The following ATP5PB variants were observed in gnomAD, a reference collection of about 807,000 sequenced individuals.
The protein encoded by ATP5PB is ATP synthase peripheral stalk subunit b, mitochondrial.
A neutral mutation model predicts 34.5 loss-of-function variants in ATP5PB; 21 were observed. That is an observed-to-expected ratio of 0.61 (90% confidence interval 0.43 to 0.88). The LOEUF (loss-of-function observed/expected upper bound fraction) is 0.88. ATP5PB is among the 40% of genes least tolerant of loss of function. The probability of loss-of-function intolerance (pLI) is 0.00; values close to 1 mark genes in which losing one functional copy is unlikely to be tolerated. For synonymous variants in ATP5PB, 108 were observed against 114.1 expected, an observed-to-expected ratio of 0.95 and a Z score of 0.34; for missense variants, 293 against 317.4, an observed-to-expected ratio of 0.92 and a Z score of 0.58.
At position 111,459,503 on chromosome 1, in the gene ATP5PB, A is replaced by G. The variant is rs1447057081; in HGVS notation, c.560A>G (p.Tyr187Cys). 3 of 1,613,742 alleles carry G rather than the reference A, an allele frequency of 1.9e-6. No homozygotes were observed. Among genetic ancestry groups the G allele is most frequent in the East Asian group, 2.2e-5 (1 of 44,894 alleles). Reference protein sequence around the residue: ...ALEVTYRERLYRVYKEVKNRL... With the variant: ...ALEVTYRERLCRVYKEVKNRL... ...GAAGTTACTTACCGGGAACGACTGTATAGAGTATATAAGGAAGTAAAGAAT... is the reference window on the plus strand; with the variant it reads ...GAAGTTACTTACCGGGAACGACTGTGTAGAGTATATAAGGAAGTAAAGAAT... Residue 187 changes from tyrosine to cysteine, a missense_variant, in exon 6 of 7, where the codon TAT becomes TGT. Physicochemically the swap from Tyr to Cys is radical, Grantham distance 194. Transcript: ENST00000369722.
At position 111,462,689 on chromosome 1, in the gene ATP5PB, A is replaced by G. The variant is rs1240819291; in HGVS notation, c.*1695A>G. ...GCTAATGTACTAATCTAATATTGAA[A>G]TCAGATTGATATCTTTGTTACTTAA... On this transcript the variant is annotated 3_prime_UTR_variant, in exon 7 of 7. Coordinates refer to ENST00000369722, the MANE Select transcript of ATP5PB (RefSeq NM_001688.5). 6.6e-6 allele frequency: 1 copy of G among 152,252 alleles called. No homozygotes were observed. Among genetic ancestry groups the G allele is most frequent in the African/African-American group, 2.4e-5 (1 of 41,452 alleles). The allele number at this position is 152,252 out of a possible 1,614,324, so 9.4% of individuals were successfully genotyped here.
rs759686657 is a variant in ATP5PB, at chr1:111,456,656, G to A, written c.414G>A (p.Ala138=). The A allele has an allele frequency of 5.1e-5, 83 of 1,613,322 alleles. No homozygotes were observed. The highest frequency in any genetic ancestry group is 4.2e-5 in the Non-Finnish European group (50 of 1,179,790). Residue 138 remains alanine, a synonymous_variant, in exon 5 of 7, where the codon GCG becomes GCA. Transcript: ENST00000369722. The part of the protein sequence containing the change: ...NEQKLAQLEE[A]KQASIQHIQN... The stretch of plus-strand genomic sequence containing the variant: ...AAAAACTTGCCCAACTAGAAGAGGC[G>A]AAGCAGGCTTCCATCCAACACATCC...
At chr1:111,451,406 G>A (rs1343347) in intron 2 of ATP5PB, among the ~76,000 whole-genome samples, 1 of 151,858 alleles carries the variant, frequency 6.6e-6, no homozygotes, top group Non-Finnish European at 1.5e-5. Flanking sequence ...CTCCCTATCC[G>A]CTTACCTTGC....
intron 2 of ATP5PB, among the ~76,000 whole-genome samples, chr1:111,450,468 G>A (rs1269926322): frequency 1.3e-5 from 2 of 152,156 alleles, no homozygotes; most frequent in Admixed American, 6.5e-5. Context: ...CCAGTACAGG[G>A]TCCCTGGCCC....
In ATP5PB at chr1:111,461,824, G is replaced by A. The variant is rs11587579; in HGVS notation, c.*830G>A. On this transcript the variant is annotated 3_prime_UTR_variant, in exon 7 of 7. Transcript: ENST00000369722. ...GCTGAGGCAGGAGAATTGCTTGAACGCAGGAGGCAAAGGTTGCAGTGAGCT... is the reference window on the plus strand; with the variant it reads ...GCTGAGGCAGGAGAATTGCTTGAACACAGGAGGCAAAGGTTGCAGTGAGCT... 0.012 allele frequency: 1,780 copies of A among 151,236 alleles called. 16 individuals carry two copies. Among genetic ancestry groups the A allele is most frequent in the Admixed American group, 0.018 (274 of 15,164 alleles). 9.4% of individuals were successfully genotyped at this position (151,236 alleles called of 1,614,324 possible).
Position 111,456,250 on chromosome 1 carries a change from G to T in ATP5PB, c.387+1G>T, listed in dbSNP as rs746652229. On this transcript the variant is annotated splice_donor_variant, in intron 4 of 6. Coordinates refer to ENST00000369722, the MANE Select transcript of ATP5PB (RefSeq NM_001688.5). LOFTEE classifies it high-confidence loss of function. ...AGACTTTGCTGATAAACTCAATGAG[G>T]TAAGAACCATAAACTTTATTTCCTA... The T allele has an allele frequency of 2.5e-6, 4 of 1,581,272 alleles. No individual in the cohort carries two copies. In the African/African-American group the frequency reaches 5.5e-5, roughly 22 times the overall value.
intron 6 of ATP5PB, among the ~76,000 whole-genome samples, chr1:111,460,145 G>C (rs1285549600): frequency 1.3e-5 from 2 of 152,168 alleles, no homozygotes; most frequent in African/African-American, 2.4e-5. Context: ...GCCTGGGTGA[G>C]AGAGCGAGAC....
chr1:111,451,351 A>G (rs1382092574), intron 2 of ATP5PB, among the ~76,000 whole-genome samples: 2 of 152,080 alleles, frequency 1.3e-5, no homozygotes, highest in African/African-American at 4.8e-5. Flanking sequence ...GATTGGGTCA[A>G]ATGTCATCTG....
Position 111,456,738 on chromosome 1 carries a change from C to A in ATP5PB, c.496C>A (p.Leu166Ile). ...GGCACTGGTTCAGAAGCGCCATTAC[C>A]TTTTTGATGTGCAAAGGGTAGGTTT... Reference protein sequence around the residue: ...QQALVQKRHYLFDVQRNNIAM... With the variant: ...QQALVQKRHYIFDVQRNNIAM... The change falls in exon 5 of 7, where the codon CTT (leucine) becomes ATT (isoleucine). Residue 166 changes from leucine to isoleucine, a missense_variant. Leu to Ile is a conservative substitution (Grantham distance 5). Coordinates refer to ENST00000369722, the MANE Select transcript of ATP5PB (RefSeq NM_001688.5). 3 of 1,610,376 alleles carry A rather than the reference C, an allele frequency of 1.9e-6. No individual in the cohort carries two copies. The highest frequency in any genetic ancestry group is 1.1e-5 in the South Asian group (1 of 90,306).
At chr1:111,452,856 C>G (rs1239254942) in intron 2 of ATP5PB, among the ~76,000 whole-genome samples, 1 of 152,172 alleles carries the variant, frequency 6.6e-6, no homozygotes, top group Non-Finnish European at 1.5e-5. Context: ...GCCAGACATT[C>G]TACAATGCAC....
chr1:111,460,973 T>C lies in ATP5PB; in HGVS notation c.750T>C (p.Ala250=). ...IADLKLLAKK[A]QAQPVM ...ACCTAAAGCTGCTGGCAAAGAAGGC[T>C]CAAGCACAGCCAGTTATGTAAATGT... Residue 250 remains alanine (A), a synonymous_variant, in exon 7 of 7, where the codon GCT becomes GCC. Transcript: ENST00000369722. 1 of 1,612,724 alleles carries C rather than the reference T, an allele frequency of 6.2e-7. No individual in the cohort carries two copies. The highest frequency in any genetic ancestry group is 1.1e-5 in the South Asian group (1 of 91,016).
chr1:111,453,528 A>G (rs1353685921), intron 2 of ATP5PB, among the ~76,000 whole-genome samples: 1 of 152,164 alleles, frequency 6.6e-6, no homozygotes, highest in African/African-American at 2.4e-5. Flanking sequence ...AGAACTAAGA[A>G]TGGATTGAGG....
At chr1:111,453,781 A>G (rs1418737617) in intron 2 of ATP5PB, among the ~76,000 whole-genome samples, 1 of 152,244 alleles carries the variant, frequency 6.6e-6, no homozygotes, top group African/African-American at 2.4e-5. Context: ...CAACAACCAT[A>G]TAAGGTATTA....
intron 3 of ATP5PB, 120 bp from the exon 4 acceptor site, chr1:111,455,966 T>G: frequency 1.2e-6 from 1 of 856,884 alleles, no homozygotes; most frequent in South Asian, 2.8e-5. Context: ...CAGTGTTTTG[T>G]CTTTGAATCT....
At chr1:111,457,877 G>C (rs1653519517) in intron 5 of ATP5PB, among the ~76,000 whole-genome samples, 1 of 152,174 alleles carries the variant, frequency 6.6e-6, no homozygotes, top group Non-Finnish European at 1.5e-5. Flanking sequence ...CCTGCTTCTT[G>C]CATAGTATAT....
Position 111,460,946 on chromosome 1 carries a change from G to T in ATP5PB, c.723G>T (p.Ala241=), listed in dbSNP as rs761288089. 6.2e-7 allele frequency: 1 copy of T among 1,613,074 alleles called. No homozygotes were observed. Among genetic ancestry groups the T allele is most frequent in the Non-Finnish European group, 8.5e-7 (1 of 1,179,742 alleles). The change falls in exon 7 of 7, where the codon GCG becomes GCT. Residue 241 remains alanine (A), a synonymous_variant. Coordinates refer to ENST00000369722, the MANE Select transcript of ATP5PB (RefSeq NM_001688.5). ...AGGAGACAATTGCCAAGTGCATTGC[G>T]GACCTAAAGCTGCTGGCAAAGAAGG... The part of the protein sequence containing the change: ...QEKETIAKCI[A]DLKLLAKKAQ...
At chr1:111,459,023 G>A (rs1402834135) in intron 5 of ATP5PB, among the ~76,000 whole-genome samples, 5 of 152,058 alleles carry the variant, frequency 3.3e-5, no homozygotes, top group African/African-American at 1.2e-4. Flanking sequence ...TAAACACAAA[G>A]ACAAATCTAC....
In ATP5PB at chr1:111,456,166, G is replaced by A. The variant is rs11553282; in HGVS notation, c.304G>A (p.Ala102Thr). Residue 102 changes from alanine to threonine, a missense_variant, in exon 4 of 7, where the codon GCC becomes ACC. By Grantham distance (58) the Ala-to-Thr change is moderately conservative. Transcript: ENST00000369722. Reference sequence around the variant, plus strand: ...TGTGATTAGCGCAGAGACCTTCACTGCCCTATCAGTACTAGGTGTAATGGT... The same window carrying A: ...TGTGATTAGCGCAGAGACCTTCACTACCCTATCAGTACTAGGTGTAATGGT... ...IYVISAETFT[A>T]LSVLGVMVYG... 4 of 1,612,802 alleles carry A rather than the reference G, an allele frequency of 2.5e-6. No individual in the cohort carries two copies. The highest frequency in any genetic ancestry group is 3.4e-6 in the Non-Finnish European group (4 of 1,179,288).
intron 5 of ATP5PB, among the ~76,000 whole-genome samples, chr1:111,456,976 TA>T (rs565275583): frequency 7.2e-5 from 11 of 151,954 alleles, no homozygotes; most frequent in East Asian, 1.9e-4. Flanking sequence ...TAGAAGCTAT[TA>T]AAAAAAATTT....
Sources: gnomAD v4.1 joint callset for allele counts (sites outside exome capture counted in the v4.1 genomes callset) on GRCh38, gnomAD v4.1.1 for gene constraint, MANE v1.5 for transcripts, NCBI Gene and HGNC (gene_info 2026-07-23, HGNC 2026-07-21) for gene names.